IQSEC1: variants seen among roughly 807,000 people sequenced by gnomAD.
IQSEC1 encodes IQ motif and Sec7 domain ArfGEF 1, also known as IQ motif and SEC7 domain-containing protein 1.
A neutral mutation model predicts 91.0 loss-of-function variants in IQSEC1; 31 were observed. That is an observed-to-expected ratio of 0.34 (90% CI 0.26 to 0.46). The LOEUF (loss-of-function observed/expected upper bound fraction) is 0.46. Among genes scored for constraint, IQSEC1 ranks in the 20% least tolerant of loss-of-function variants. The probability of loss-of-function intolerance (pLI) is 1.00; values close to 1 mark genes in which losing one functional copy is unlikely to be tolerated. For missense variants in IQSEC1, 1,388 were observed against 1,575.6 expected (o/e 0.88, Z 2.02); for synonymous variants, 699 against 662.6 (o/e 1.05, Z -0.84).
chr3:12,967,593 C>T lies in IQSEC1; in HGVS notation c.24-25728G>A. On this transcript the variant is annotated intron_variant, in intron 1 of 13. Transcript: ENST00000613206. This position sits in a 1 kb window ranked among gnomAD's most constrained non-coding sequence, Gnocchi z 5.9. ...CCGACCACCCGCCACGCGATCACGT[C>T]GGGGCTCCTGGTCCAGCGTCCGCCG... 1 of 1,282,868 alleles carries T rather than the reference C, an allele frequency of 7.8e-7. No individual in the cohort carries two copies. Among genetic ancestry groups the T allele is most frequent in the South Asian group, 2.4e-5 (1 of 41,004 alleles). 79.5% of individuals were successfully genotyped at this position (1,282,868 alleles called of 1,614,324 possible).
chr3:13,032,257 C>T (rs546799420), intron 1 of IQSEC1, among the ~76,000 whole-genome samples: 1 of 152,252 alleles, frequency 6.6e-6, no homozygotes, highest in Non-Finnish European at 1.5e-5. Context: ...CTCGGTACTA[C>T]TCTCCAATCC....
chr3:13,140,189 C>T (rs1390737190), intron 2 of IQSEC1, among the ~76,000 whole-genome samples: 3 of 152,170 alleles, frequency 2.0e-5, no homozygotes, highest in Non-Finnish European at 4.4e-5. Flanking sequence ...CCTGGCATCC[C>T]TTATCCTCAT....
At chr3:13,164,275 A>G (rs545279662) in intron 1 of IQSEC1, among the ~76,000 whole-genome samples, 7 of 152,256 alleles carry the variant, frequency 4.6e-5, no homozygotes, top group East Asian at 1.9e-4. Context: ...CGCAGGCCCA[A>G]TCCTCCGGGG....
At chr3:12,991,498 C>T (rs1275933218) in intron 1 of IQSEC1, among the ~76,000 whole-genome samples, 1 of 152,190 alleles carries the variant, frequency 6.6e-6, no homozygotes, top group Admixed American at 6.5e-5. Context: ...ACGTGAGAAA[C>T]ACCTCTTGAT....
At chr3:13,281,313 G>A (rs1343617934) in intron 1 of IQSEC1, among the ~76,000 whole-genome samples, 3 of 152,122 alleles carry the variant, frequency 2.0e-5, no homozygotes, top group Non-Finnish European at 4.4e-5. Flanking sequence ...CAGAGACTCC[G>A]GAGGGCCAGG....
intron 1 of IQSEC1, among the ~76,000 whole-genome samples, chr3:12,978,240 GA>G (rs150683799): frequency 8.5e-4 from 130 of 152,340 alleles, no homozygotes; most frequent in African/African-American, 3.0e-3. Context: ...ATGAAGCTGG[GA>G]TTAGAGCCCA....
At chr3:13,169,987 T>G (rs984074835) in intron 1 of IQSEC1, among the ~76,000 whole-genome samples, 1 of 152,244 alleles carries the variant, frequency 6.6e-6, no homozygotes, top group African/African-American at 2.4e-5. Context: ...AGCCGAATGT[T>G]AATCCCCAAG....
At chr3:13,204,746 T>C (rs990296491) in intron 1 of IQSEC1, among the ~76,000 whole-genome samples, 1 of 151,578 alleles carries the variant, frequency 6.6e-6, no homozygotes, top group African/African-American at 2.4e-5. Context: ...TCTTACTTTC[T>C]TTCCTTCCTT....
Position 13,098,922 on chromosome 3 carries a change from C to T in IQSEC1, c.303-51400G>A, listed in dbSNP as rs187489799. On this transcript the variant is annotated intron_variant, in intron 2 of 15. Coordinates refer to the IQSEC1 transcript ENST00000648114. ...ACACTAACATCCACGGAATGATACA[C>T]TTTAAATGAATGAACTTTACAGTAT... Among the ~76,000 whole-genome samples, 326 of 152,290 alleles carry T rather than the reference C, an allele frequency of 2.1e-3. 1 individual carries two copies. Among genetic ancestry groups the T allele is most frequent in the South Asian group, 9.1e-3 (44 of 4,834 alleles).
rs1311002749 is a variant in IQSEC1 at position 12,994,038 on chromosome 3, C to T, written c.24-52173G>A. Among the ~76,000 whole-genome samples, 1 of 148,670 alleles carries T rather than the reference C, an allele frequency of 6.7e-6. No homozygotes were observed. The highest frequency in any genetic ancestry group is 2.4e-5 in the African/African-American group (1 of 41,046). On this transcript the variant is annotated intron_variant, in intron 1 of 13. Transcript: ENST00000613206. This position sits in a 1 kb window ranked among gnomAD's most constrained non-coding sequence, Gnocchi z 4.5. ...GCGACCCCCGCCCGGGGCCCCGCAC[C>T]GCACCGGTCGCCGGGCGCGTCCCCC...
chr3:13,267,819 G>A (rs551855253), intron 1 of IQSEC1, among the ~76,000 whole-genome samples: 57 of 151,948 alleles, frequency 3.8e-4, no homozygotes, highest in Middle Eastern at 6.8e-3. Flanking sequence ...GGGTTTCACC[G>A]TGTTAGCCAG....
intron 2 of IQSEC1, among the ~76,000 whole-genome samples, chr3:13,158,468 C>T (rs1380335456): frequency 2.0e-5 from 3 of 152,212 alleles, no homozygotes; most frequent in Non-Finnish European, 4.4e-5. Flanking sequence ...GGACTAATTA[C>T]GTTTACTCAC....
intron 1 of IQSEC1, among the ~76,000 whole-genome samples, chr3:12,945,530 CAAA>C (rs1264625719): frequency 1.7e-5 from 2 of 119,214 alleles, no homozygotes; most frequent in Non-Finnish European, 1.8e-5. Flanking sequence ...TTCCACACTC[CAAA>C]AAAAAAAAAA....
At chr3:13,248,118 T>A (rs1695137992) in intron 1 of IQSEC1, among the ~76,000 whole-genome samples, 1 of 152,160 alleles carries the variant, frequency 6.6e-6, no homozygotes, top group Admixed American at 6.5e-5. Flanking sequence ...CAAAGCTGGG[T>A]TCTGAGACCT....
chr3:13,231,639 T>C (rs1184423594), intron 1 of IQSEC1, among the ~76,000 whole-genome samples: 1 of 152,190 alleles, frequency 6.6e-6, no homozygotes, highest in Non-Finnish European at 1.5e-5. Flanking sequence ...GACACTATTA[T>C]TCTCTATAAA....
chr3:13,132,796 G>A lies in IQSEC1; in HGVS notation c.302+31308C>T, dbSNP rs115297920. On this transcript the variant is annotated intron_variant, in intron 2 of 15. Coordinates refer to the IQSEC1 transcript ENST00000648114. Reference sequence around the variant, plus strand: ...TGAAGCCTGATTTTGAATACTGAACGGATTTTGTTTCACCAGGAAACTTTA... The same window carrying A: ...TGAAGCCTGATTTTGAATACTGAACAGATTTTGTTTCACCAGGAAACTTTA... Among the ~76,000 whole-genome samples the A allele has an allele frequency of 4.3e-3, 650 of 152,204 alleles. 10 individuals are homozygous for A. The highest frequency in any genetic ancestry group is 0.017 in the South Asian group (83 of 4,824).
intron 1 of IQSEC1, among the ~76,000 whole-genome samples, chr3:13,049,588 G>T (rs756660484): frequency 6.6e-6 from 1 of 152,018 alleles, no homozygotes; most frequent in Non-Finnish European, 1.5e-5. Context: ...TTATCCAGAC[G>T]CAAACTCCTA....
intron 1 of IQSEC1, among the ~76,000 whole-genome samples, chr3:12,990,618 C>G (rs1364076295): frequency 6.6e-6 from 1 of 152,196 alleles, no homozygotes; most frequent in Non-Finnish European, 1.5e-5. Context: ...TTGGGTCAGT[C>G]TGGACTCCGC....
rs997618555 is a variant in IQSEC1, at chr3:13,163,850, A to G, written c.302+254T>C. Among the ~76,000 whole-genome samples, 5 of 152,210 alleles carry G rather than the reference A, an allele frequency of 3.3e-5. 1 individual carries two copies. The Middle Eastern group carries it at 0.01, about 311-fold the overall frequency. On this transcript the variant is annotated intron_variant, in intron 2 of 15. Transcript: ENST00000648114. Reference sequence around the variant, plus strand: ...GAAAGGAAGGGACAACCACCAACCTAGGTGATCTCTGCAGAGGTCACTCTA... The same window carrying G: ...GAAAGGAAGGGACAACCACCAACCTGGGTGATCTCTGCAGAGGTCACTCTA...
Sources: gnomAD v4.1 joint callset for allele counts (sites outside exome capture counted in the v4.1 genomes callset) on GRCh38, gnomAD v4.1.1 for gene constraint, Gnocchi (gnomAD v3.1) non-coding constraint, MANE v1.5 for transcripts, NCBI Gene and HGNC (gene_info 2026-07-23, HGNC 2026-07-21) for gene names.